Variants in CATSPERE observed in about 807,000 individuals in gnomAD.
CATSPERE encodes cation channel sperm-associated auxiliary subunit epsilon.
In CATSPERE, 93 loss-of-function variants were observed where a neutral mutation model predicts 114.1. The ratio of observed to expected loss-of-function variants is 0.81; its 90% CI spans 0.69 to 0.97. CATSPERE has a LOEUF of 0.97. Among genes scored for constraint, CATSPERE ranks in the 50% least tolerant of loss-of-function variants. CATSPERE has a pLI of 0.00. For missense variants in CATSPERE, 1,058 were observed against 1,131.6 expected (o/e 0.93, Z 0.93); for synonymous variants, 341 against 384.1 (o/e 0.89, Z 1.31).
chr1:244,513,673 A>C (rs1032715873), intron 7 of CATSPERE, among the ~76,000 whole-genome samples: 1 of 152,160 alleles, frequency 6.6e-6, no homozygotes, highest in African/African-American at 2.4e-5. Flanking sequence ...CCCAGATAGC[A>C]TGCTGGGGCA....
chr1:244,619,480 A>G (rs1189661276), intron 20 of CATSPERE, among the ~76,000 whole-genome samples: 1 of 152,236 alleles, frequency 6.6e-6, no homozygotes, highest in Non-Finnish European at 1.5e-5. Context: ...GGGTGTCTCA[A>G]AACTGGTTAT....
intron 5 of CATSPERE, among the ~76,000 whole-genome samples, chr1:244,487,963 C>T (rs971167108): frequency 6.6e-6 from 1 of 152,182 alleles, no homozygotes; most frequent in Non-Finnish European, 1.5e-5. Context: ...CCCAGGCTCT[C>T]GACACCTATT....
At chr1:244,499,170 A>AT in intron 7 of CATSPERE, 91 bp downstream of exon 7, 1 of 917,552 alleles carries the variant, frequency 1.1e-6, no homozygotes, top group Non-Finnish European at 1.7e-6. Context: ...AATAGACAGG[A>AT]TTTTAAGCTG....
rs374965470 is a variant in CATSPERE, at chr1:244,631,715, A to T, written c.2649-3774A>T. On this transcript the variant is annotated intron_variant, in intron 20 of 21. Coordinates refer to ENST00000366534, the MANE Select transcript of CATSPERE (RefSeq NM_001130957.2). ...ATATGAAAAAATGTTCAACATGTTTATGTCATTAGAAAATGCAAATTAAAA... is the reference window on the plus strand; with the variant it reads ...ATATGAAAAAATGTTCAACATGTTTTTGTCATTAGAAAATGCAAATTAAAA... Among the ~76,000 whole-genome samples the T allele has an allele frequency of 2.2e-4, 34 of 152,370 alleles. No individual in the cohort carries two copies. The East Asian group carries it at 4.8e-3, about 22-fold the overall frequency.
chr1:244,489,981 G>T (rs1270395632), intron 5 of CATSPERE, among the ~76,000 whole-genome samples: 2 of 152,204 alleles, frequency 1.3e-5, no homozygotes, highest in Non-Finnish European at 2.9e-5. Context: ...CATTTAACAG[G>T]TTATTGTTGG....
intron 11 of CATSPERE, among the ~76,000 whole-genome samples, chr1:244,581,021 A>G (rs1357599359): frequency 6.6e-6 from 1 of 151,868 alleles, no homozygotes; most frequent in East Asian, 1.9e-4. Context: ...TAATAATAAT[A>G]ATAATAATTT....
intron 8 of CATSPERE, among the ~76,000 whole-genome samples, chr1:244,520,827 C>T (rs1231888010): frequency 6.6e-6 from 1 of 151,888 alleles, no homozygotes; most frequent in Non-Finnish European, 1.5e-5. Context: ...AAAATTGACC[C>T]AAAAAATACA....
intron 8 of CATSPERE, among the ~76,000 whole-genome samples, chr1:244,520,892 A>C (rs1327916860): frequency 6.6e-6 from 1 of 152,216 alleles, no homozygotes; most frequent in Non-Finnish European, 1.5e-5. Flanking sequence ...TTTAACAATC[A>C]TTGAGGAAGG....
intron 20 of CATSPERE, among the ~76,000 whole-genome samples, chr1:244,620,557 T>G (rs1205799017): frequency 6.6e-6 from 1 of 152,130 alleles, no homozygotes; most frequent in Non-Finnish European, 1.5e-5. Flanking sequence ...AAAATAAAAT[T>G]TTAACAAGTG....
At chr1:244,478,863 G>T (rs1669781491) in intron 4 of CATSPERE, among the ~76,000 whole-genome samples, 1 of 151,402 alleles carries the variant, frequency 6.6e-6, no homozygotes, top group Non-Finnish European at 1.5e-5. Flanking sequence ...CCCCGTCTCT[G>T]CTAAAAATAC....
chr1:244,616,664 T>C (rs1334377173), intron 19 of CATSPERE, among the ~76,000 whole-genome samples: 2 of 152,196 alleles, frequency 1.3e-5, no homozygotes, highest in Non-Finnish European at 2.9e-5. Context: ...ATTATCTCAT[T>C]GATGAAGGTA....
intron 8 of CATSPERE, among the ~76,000 whole-genome samples, chr1:244,527,813 C>T (rs528505616): frequency 4.6e-5 from 7 of 152,172 alleles, no homozygotes; most frequent in Non-Finnish European, 8.8e-5. Flanking sequence ...CTGGTCCCTC[C>T]GTTCAGGGTC....
intron 18 of CATSPERE, among the ~76,000 whole-genome samples, chr1:244,609,625 T>A (rs1271955500): frequency 6.6e-6 from 1 of 152,174 alleles, no homozygotes; most frequent in African/African-American, 2.4e-5. Context: ...TTCCTGAAGA[T>A]CTTTGTAATA....
intron 11 of CATSPERE, 96 bp downstream of exon 11, chr1:244,572,868 T>C: frequency 1.2e-6 from 1 of 802,418 alleles, no homozygotes; most frequent in Non-Finnish European, 1.8e-6. Context: ...TAGGCTCAGC[T>C]GGGAAAATGT....
At chr1:244,511,524 C>T (rs1675758634) in intron 7 of CATSPERE, among the ~76,000 whole-genome samples, 1 of 151,978 alleles carries the variant, frequency 6.6e-6, no homozygotes, top group South Asian at 2.1e-4. Flanking sequence ...TTTTCTGGTT[C>T]TTTTGTATAT....
chr1:244,588,620 C>T, intron 14 of CATSPERE, 86 bp downstream of exon 14: 2 of 988,588 alleles, frequency 2.0e-6, no homozygotes, highest in Non-Finnish European at 3.2e-6. Context: ...TGATAATAGC[C>T]TAATGACTGA....
chr1:244,538,491 C>T (rs929623969), intron 8 of CATSPERE, among the ~76,000 whole-genome samples: 3 of 152,122 alleles, frequency 2.0e-5, no homozygotes, highest in African/African-American at 4.8e-5. Flanking sequence ...GCCCAACTCC[C>T]CACATCCCTA....
At chr1:244,571,638 G>C (rs900128584) in intron 10 of CATSPERE, among the ~76,000 whole-genome samples, 1 of 152,078 alleles carries the variant, frequency 6.6e-6, no homozygotes, top group Non-Finnish European at 1.5e-5. Flanking sequence ...AGCCTGCTAG[G>C]GTTGCCATAA....
intron 10 of CATSPERE, among the ~76,000 whole-genome samples, chr1:244,567,386 T>C (rs1663756356): frequency 6.6e-6 from 1 of 152,230 alleles, no homozygotes; most frequent in Admixed American, 6.5e-5. Context: ...AATTTGAATG[T>C]TGGCCTGTCT....
Sources: gnomAD v4.1 joint callset for allele counts (sites outside exome capture counted in the v4.1 genomes callset) on GRCh38, gnomAD v4.1.1 for gene constraint, MANE v1.5 for transcripts, NCBI Gene and HGNC (gene_info 2026-07-23, HGNC 2026-07-21) for gene names.